Variants in MYO1D observed in about 807,000 individuals in gnomAD.
MYO1D encodes unconventional myosin-Id.
A neutral mutation model predicts 122.0 loss-of-function variants in MYO1D; 83 were observed. The observed-to-expected ratio is 0.68, with a 90% CI of 0.57 to 0.82. The LOEUF (loss-of-function observed/expected upper bound fraction) is 0.82. Among genes scored for constraint, MYO1D ranks in the 40% least tolerant of loss-of-function variants. The pLI is 0.00. For synonymous variants in MYO1D, 464 were observed against 446.9 expected (o/e 1.04, Z -0.48); for missense variants, 1,157 against 1,269.5 (o/e 0.91, Z 1.35).
chr17:32,570,213 C>G (rs1323536315), intron 21 of MYO1D, among the ~76,000 whole-genome samples: 1 of 152,142 alleles, frequency 6.6e-6, no homozygotes, highest in Non-Finnish European at 1.5e-5. Context: ...GAACCCAGAA[C>G]CAGAGGGCCC....
intron 16 of MYO1D, among the ~76,000 whole-genome samples, chr17:32,705,215 G>A (rs548884020): frequency 5.9e-5 from 9 of 152,130 alleles, no homozygotes; most frequent in African/African-American, 2.2e-4. Context: ...TATACAGCGG[G>A]CTGACTGTAT....
intron 16 of MYO1D, among the ~76,000 whole-genome samples, chr17:32,661,413 G>T (rs891865901): frequency 6.6e-6 from 1 of 152,144 alleles, no homozygotes; most frequent in Non-Finnish European, 1.5e-5. Context: ...AGCACTTTAG[G>T]AGGTTGAGGT....
intron 21 of MYO1D, among the ~76,000 whole-genome samples, chr17:32,520,292 A>C (rs1910088600): frequency 6.6e-6 from 1 of 152,188 alleles, no homozygotes; most frequent in Non-Finnish European, 1.5e-5. Context: ...GCCGCTGTGC[A>C]CAAAGTCCAC....
At chr17:32,755,921 C>G (rs957032892) in intron 10 of MYO1D, among the ~76,000 whole-genome samples, 4 of 152,226 alleles carry the variant, frequency 2.6e-5, no homozygotes, top group African/African-American at 9.6e-5. Flanking sequence ...AGGTAGACAC[C>G]ATTTCTCCCA....
chr17:32,850,691 C>T (rs769252364), intron 1 of MYO1D, among the ~76,000 whole-genome samples: 1 of 152,174 alleles, frequency 6.6e-6, no homozygotes, highest in Non-Finnish European at 1.5e-5. Context: ...CTAACTCACT[C>T]TTATGTACCC....
chr17:32,802,558 A>G (rs2090469741), intron 1 of MYO1D, among the ~76,000 whole-genome samples: 1 of 152,206 alleles, frequency 6.6e-6, no homozygotes, highest in African/African-American at 2.4e-5. Flanking sequence ...CACTGTTAAA[A>G]ATCTGTGGTT....
At chr17:32,677,889 T>C (rs1037920873) in intron 16 of MYO1D, among the ~76,000 whole-genome samples, 2 of 152,148 alleles carry the variant, frequency 1.3e-5, no homozygotes, top group Non-Finnish European at 2.9e-5. Context: ...TCTTTTTTAA[T>C]TCATCTCAAC....
chr17:32,623,296 T>G (rs995642813), intron 20 of MYO1D, among the ~76,000 whole-genome samples: 1 of 152,234 alleles, frequency 6.6e-6, no homozygotes, highest in African/African-American at 2.4e-5. Flanking sequence ...CCCCCTGTAG[T>G]GCAGAACTTC....
intron 1 of MYO1D, among the ~76,000 whole-genome samples, chr17:32,843,893 C>G (rs2090908991): frequency 6.6e-6 from 1 of 151,966 alleles, no homozygotes; most frequent in African/African-American, 2.4e-5. Flanking sequence ...GGCCATCTAG[C>G]AATAAATATA....
At chr17:32,786,897 T>G (rs985835439) in intron 1 of MYO1D, among the ~76,000 whole-genome samples, 2 of 151,720 alleles carry the variant, frequency 1.3e-5, no homozygotes, top group African/African-American at 4.8e-5. Context: ...AAAAAAAAAG[T>G]AGGTAGTGGG....
intron 4 of MYO1D, among the ~76,000 whole-genome samples, chr17:32,775,625 C>T (rs1348798278): frequency 2.0e-5 from 3 of 152,234 alleles, no homozygotes; most frequent in African/African-American, 4.8e-5. Flanking sequence ...CATACCTGTG[C>T]CCCCACCCAT....
chr17:32,859,019 C>T (rs1274916141), intron 1 of MYO1D, among the ~76,000 whole-genome samples: 2 of 152,202 alleles, frequency 1.3e-5, no homozygotes, highest in Non-Finnish European at 2.9e-5. Context: ...TTACCCATTT[C>T]TCCACAAAGC....
At chr17:32,593,021 A>C (rs529558038) in intron 21 of MYO1D, among the ~76,000 whole-genome samples, 1 of 152,284 alleles carries the variant, frequency 6.6e-6, no homozygotes, top group African/African-American at 2.4e-5. Context: ...CTCAGGTTTT[A>C]CTGGAGACTT....
In MYO1D at chr17:32,820,952, T is replaced by C. The variant is rs558306673; in HGVS notation, c.96-40168A>G. ...GGTAAACTTTTGTGTTGGAGGTATGTTGTACAGATTATTTCATCACTCAGG... is the reference window on the plus strand; with the variant it reads ...GGTAAACTTTTGTGTTGGAGGTATGCTGTACAGATTATTTCATCACTCAGG... On this transcript the variant is annotated intron_variant, in intron 1 of 21. Transcript: ENST00000318217. 1.6e-4 allele frequency among the ~76,000 whole-genome samples: 25 copies of C among 152,344 alleles called. No individual in the cohort carries two copies. In the South Asian group the frequency reaches 5.2e-3, roughly 32 times the overall value.
At chr17:32,673,439 C>T (rs2088753852) in intron 16 of MYO1D, among the ~76,000 whole-genome samples, 1 of 152,034 alleles carries the variant, frequency 6.6e-6, no homozygotes, top group African/African-American at 2.4e-5. Context: ...AATGAAATCA[C>T]AGTTTGGGGA....
chr17:32,801,672 T>C (rs768859359), intron 1 of MYO1D, among the ~76,000 whole-genome samples: 59 of 152,184 alleles, frequency 3.9e-4, no homozygotes, highest in Non-Finnish European at 5.0e-4. Context: ...TGTCAATAAA[T>C]AGACAAAGAA....
intron 17 of MYO1D, 29 bp downstream of exon 17, chr17:32,659,086 G>T: frequency 1.3e-6 from 2 of 1,578,896 alleles, no homozygotes; most frequent in Non-Finnish European, 8.7e-7. Flanking sequence ...CACCATAAAT[G>T]GATGCAGCAC....
chr17:32,647,831 A>C (rs1233761648), intron 19 of MYO1D, among the ~76,000 whole-genome samples: 1 of 151,960 alleles, frequency 6.6e-6, no homozygotes, highest in Non-Finnish European at 1.5e-5. Flanking sequence ...GTGGTAACCC[A>C]CCCCAAGATA....
intron 16 of MYO1D, among the ~76,000 whole-genome samples, chr17:32,700,114 A>G (rs1377461169): frequency 6.6e-5 from 10 of 152,186 alleles, no homozygotes; most frequent in Non-Finnish European, 1.3e-4. Context: ...AAATAATTAA[A>G]TAATAATATA....
Sources: gnomAD v4.1 joint callset for allele counts (sites outside exome capture counted in the v4.1 genomes callset) on GRCh38, gnomAD v4.1.1 for gene constraint, MANE v1.5 for transcripts, NCBI Gene and HGNC (gene_info 2026-07-23, HGNC 2026-07-21) for gene names.